XKR4: variants seen among roughly 807,000 people sequenced by gnomAD.
The protein encoded by XKR4 is XK-related protein 4.
Under a neutral mutation model 53.9 loss-of-function variants are expected in XKR4, and 12 were observed. The ratio of observed to expected loss-of-function variants is 0.22; its 90% CI spans 0.14 to 0.36. The LOEUF (loss-of-function observed/expected upper bound fraction) is 0.36. Ranked by LOEUF, XKR4 falls within the 10% of genes least tolerant of loss-of-function variation. XKR4 has a pLI of 1.00. For missense variants in XKR4, 799 were observed against 859.5 expected, an observed-to-expected ratio of 0.93 and a Z score of 0.88; for synonymous variants, 354 against 362.4, an observed-to-expected ratio of 0.98 and a Z score of 0.26.
chr8:55,251,459 C>A (rs1363751034), intron 1 of XKR4, among the ~76,000 whole-genome samples: 1 of 152,114 alleles, frequency 6.6e-6, no homozygotes, highest in African/African-American at 2.4e-5. Context: ...GCTGCCACTG[C>A]CTGCCTATTA....
At chr8:55,446,813 T>C (rs1805354443) in intron 2 of XKR4, among the ~76,000 whole-genome samples, 1 of 152,208 alleles carries the variant, frequency 6.6e-6, no homozygotes, top group South Asian at 2.1e-4. Flanking sequence ...ATTCCTGCAG[T>C]TATCCAAGGA....
chr8:55,309,586 G>A (rs919777638), intron 1 of XKR4, among the ~76,000 whole-genome samples: 1 of 152,204 alleles, frequency 6.6e-6, no homozygotes, highest in African/African-American at 2.4e-5. Flanking sequence ...CAAGTGAAAT[G>A]AGAGAAATAT....
At chr8:55,481,340 C>T (rs1806103524) in intron 2 of XKR4, among the ~76,000 whole-genome samples, 1 of 151,906 alleles carries the variant, frequency 6.6e-6, no homozygotes, top group African/African-American at 2.4e-5. Context: ...ACTGGCTAGC[C>T]ATATGTAGAA....
chr8:55,115,191 T>C (rs1816289551), intron 1 of XKR4, among the ~76,000 whole-genome samples: 1 of 152,208 alleles, frequency 6.6e-6, no homozygotes, highest in African/African-American at 2.4e-5. Flanking sequence ...CAACTACTGC[T>C]GCTACAGAGG....
chr8:55,468,286 C>T (rs768069609), intron 2 of XKR4, among the ~76,000 whole-genome samples: 24 of 152,202 alleles, frequency 1.6e-4, no homozygotes, highest in Middle Eastern at 3.4e-3. Context: ...GCTTTCAGGA[C>T]GCAGCGTGTC....
intron 1 of XKR4, among the ~76,000 whole-genome samples, chr8:55,233,385 T>TG (rs1818072066): frequency 8.8e-6 from 1 of 113,486 alleles, no homozygotes; most frequent in Non-Finnish European, 2.3e-5. Flanking sequence ...GGCCATCTGA[T>TG]CTTTTTTTTT....
At chr8:55,374,929 G>C (rs981761244) in intron 2 of XKR4, among the ~76,000 whole-genome samples, 3 of 152,218 alleles carry the variant, frequency 2.0e-5, no homozygotes, top group Non-Finnish European at 4.4e-5. Context: ...TGTGGTGATG[G>C]AGCTGTGAAA....
At position 55,402,473 on chromosome 8, in the gene XKR4, T is replaced by C. The variant is rs564533594; in HGVS notation, c.1006+44596T>C. 6.0e-4 allele frequency among the ~76,000 whole-genome samples: 92 copies of C among 152,364 alleles called. 1 individual carries two copies. The South Asian group carries it at 0.018, about 29-fold the overall frequency. ...ACCAAAAGAGTAGCCCTGTCACTCC[T>C]ATGGTGTTCACAAGGCCACACTTCT... On this transcript the variant is annotated intron_variant, in intron 2 of 2. Coordinates refer to ENST00000327381, the MANE Select transcript of XKR4 (RefSeq NM_052898.2).
At chr8:55,420,556 A>AT (rs1804911966) in intron 2 of XKR4, among the ~76,000 whole-genome samples, 1 of 144,518 alleles carries the variant, frequency 6.9e-6, no homozygotes, top group African/African-American at 2.7e-5. Context: ...AACACCGCAT[A>AT]TTCTCACTCA....
chr8:55,352,795 G>GA (rs1486796590), intron 1 of XKR4, among the ~76,000 whole-genome samples: 2 of 152,036 alleles, frequency 1.3e-5, no homozygotes, highest in Non-Finnish European at 2.9e-5. Context: ...AACCAAAATA[G>GA]AAACCCAAAG....
In XKR4 at chr8:55,534,363, C is replaced by CGTTTTTTTTTTTTTTTT. The variant is rs1418801179; in HGVS notation, c.*10136_*10137insGTTTTTTTTTTTTTTTT. Reference sequence around the variant, plus strand: ...GCTCAAAGATCACGAATCTGATATTCTTTTTTTTTTTTTTTTTTTTTTTTT... The same window carrying CGTTTTTTTTTTTTTTTT: ...GCTCAAAGATCACGAATCTGATATTCGTTTTTTTTTTTTTTTTTTTTTTTTTTTTTTTTTTTTTTTTT... On this transcript the variant is annotated 3_prime_UTR_variant, in exon 3 of 3. Coordinates refer to ENST00000327381, the MANE Select transcript of XKR4 (RefSeq NM_052898.2). 1 of 47,134 alleles carries CGTTTTTTTTTTTTTTTT rather than the reference C, an allele frequency of 2.1e-5. No homozygotes were observed. 2.9% of individuals were successfully genotyped at this position (47,134 alleles called of 1,614,324 possible).
chr8:55,452,537 T>G, intron 2 of XKR4: 1 of 682,252 alleles, frequency 1.5e-6, no homozygotes, highest in Non-Finnish European at 2.7e-6. Flanking sequence ...GCAGCCTCAA[T>G]AGCTTGGGTT....
Position 55,451,874 on chromosome 8 carries a change from G to C in XKR4, c.1007-71407G>C. The C allele has an allele frequency of 7.0e-6, 6 of 857,580 alleles. No homozygotes were observed. In the South Asian group the frequency reaches 8.7e-5, roughly 12 times the overall value. 53.1% of individuals were successfully genotyped at this position (857,580 alleles called of 1,614,324 possible). On this transcript the variant is annotated intron_variant, in intron 2 of 2. Coordinates refer to ENST00000327381, the MANE Select transcript of XKR4 (RefSeq NM_052898.2). ...GGCTTCAAGGCTGAGGACGGGGTCA[G>C]TGTGCTGGGCTCCAGCTCTTCCGAC...
At chr8:55,399,692 A>G (rs775855329) in intron 2 of XKR4, among the ~76,000 whole-genome samples, 3 of 152,194 alleles carry the variant, frequency 2.0e-5, no homozygotes, top group Admixed American at 6.5e-5. Flanking sequence ...CAATGCAGCC[A>G]TTGGGAGGGC....
intron 2 of XKR4, among the ~76,000 whole-genome samples, chr8:55,472,509 G>C (rs142616640): frequency 6.6e-6 from 1 of 152,218 alleles, no homozygotes; most frequent in Non-Finnish European, 1.5e-5. Flanking sequence ...AGGGAAACGA[G>C]ACCAGGTCTA....
intron 1 of XKR4, among the ~76,000 whole-genome samples, chr8:55,134,868 G>T (rs528674257): frequency 2.6e-5 from 4 of 152,222 alleles, no homozygotes; most frequent in East Asian, 1.9e-4. Flanking sequence ...TTTAATTCTC[G>T]CAACCCAAGC....
intron 2 of XKR4, among the ~76,000 whole-genome samples, chr8:55,468,749 C>G (rs1436927064): frequency 6.6e-6 from 1 of 152,108 alleles, no homozygotes; most frequent in African/African-American, 2.4e-5. Context: ...GTGAAACAAG[C>G]TGATCTCTAA....
intron 1 of XKR4, among the ~76,000 whole-genome samples, chr8:55,132,013 C>T (rs970551655): frequency 5.9e-5 from 9 of 152,094 alleles, no homozygotes; most frequent in South Asian, 2.1e-4. Flanking sequence ...GCGCAGAGCC[C>T]GAAGGGTGTG....
At chr8:55,411,039 C>A (rs1804770589) in intron 2 of XKR4, among the ~76,000 whole-genome samples, 1 of 152,216 alleles carries the variant, frequency 6.6e-6, no homozygotes, top group Non-Finnish European at 1.5e-5. Context: ...AAATCTTTCT[C>A]CCTTGCACTT....
Sources: gnomAD v4.1 joint callset for allele counts (sites outside exome capture counted in the v4.1 genomes callset) on GRCh38, gnomAD v4.1.1 for gene constraint, MANE v1.5 for transcripts, NCBI Gene and HGNC (gene_info 2026-07-23, HGNC 2026-07-21) for gene names.